BLMH: variants seen among roughly 807,000 people sequenced by gnomAD.
The protein encoded by BLMH is bleomycin hydrolase, also known as BLM hydrolase.
In BLMH, 32 loss-of-function variants were observed where a neutral mutation model predicts 61.6. That is an observed-to-expected ratio of 0.52 (90% CI 0.39 to 0.70). The LOEUF (loss-of-function observed/expected upper bound fraction) is 0.70. BLMH is among the 30% of genes least tolerant of loss of function. The pLI is 0.00. For synonymous variants in BLMH, 183 were observed against 193.8 expected, an observed-to-expected ratio of 0.94 and a Z score of 0.46; for missense variants, 460 against 555.5, an observed-to-expected ratio of 0.83 and a Z score of 1.73.
At chr17:30,284,129 C>CTA (rs1908664352) in intron 6 of BLMH, among the ~76,000 whole-genome samples, 1 of 152,158 alleles carries the variant, frequency 6.6e-6, no homozygotes, top group East Asian at 1.9e-4. Context: ...TCCTACTATA[C>CTA]TAAGATGCCT....
chr17:30,257,551 T>C (rs1907849820), intron 11 of BLMH, among the ~76,000 whole-genome samples: 1 of 152,234 alleles, frequency 6.6e-6, no homozygotes, highest in Non-Finnish European at 1.5e-5. Context: ...CTTTTTCATA[T>C]ACCTTTTTAT....
At chr17:30,254,778 C>G (rs1008896436) in intron 11 of BLMH, among the ~76,000 whole-genome samples, 1 of 152,122 alleles carries the variant, frequency 6.6e-6, no homozygotes, top group African/African-American at 2.4e-5. Flanking sequence ...TTTGAGTTGC[C>G]TACAATCCCA....
intron 11 of BLMH, among the ~76,000 whole-genome samples, chr17:30,266,238 T>C (rs1567833719): frequency 6.6e-6 from 1 of 151,870 alleles, no homozygotes; most frequent in Non-Finnish European, 1.5e-5. Context: ...TAGATGAAAA[T>C]ACATCAAGGC....
intron 5 of BLMH, among the ~76,000 whole-genome samples, chr17:30,285,753 T>C (rs1908710087): frequency 6.6e-6 from 1 of 152,224 alleles, no homozygotes; most frequent in Admixed American, 6.5e-5. Flanking sequence ...TTTATGTGTC[T>C]GGGCATGGGG....
intron 6 of BLMH, among the ~76,000 whole-genome samples, chr17:30,281,246 A>ACG (rs1908580443): frequency 6.6e-6 from 1 of 152,154 alleles, no homozygotes; most frequent in African/African-American, 2.4e-5. Flanking sequence ...GAACTCATAT[A>ACG]GATGATAACT....
In BLMH at chr17:30,248,874, A is replaced by C; in HGVS notation, c.*143T>G. On this transcript the variant is annotated 3_prime_UTR_variant, in exon 12 of 12. Coordinates refer to ENST00000261714, the MANE Select transcript of BLMH (RefSeq NM_000386.4). ...TTTCAGCATAAAGCACACTTTCTGAAGAGGTTCCTGGTGGAGACTGGAAAT... is the reference window on the plus strand; with the variant it reads ...TTTCAGCATAAAGCACACTTTCTGACGAGGTTCCTGGTGGAGACTGGAAAT... 9 of 1,021,406 alleles carry C rather than the reference A, an allele frequency of 8.8e-6. No homozygotes were observed. Among genetic ancestry groups the C allele is most frequent in the African/African-American group, 1.6e-5 (1 of 62,134 alleles). The allele number at this position is 1,021,406 out of a possible 1,614,324, so 63.3% of individuals were successfully genotyped here. A position where few individuals can be genotyped will look rare whatever the true frequency, so the allele number is the denominator to read the frequency against.
intron 11 of BLMH, among the ~76,000 whole-genome samples, chr17:30,255,330 C>A (rs986528625): frequency 6.6e-6 from 1 of 152,184 alleles, no homozygotes; most frequent in African/African-American, 2.4e-5. Context: ...GCTATACCAT[C>A]AAGGTTTGTG....
chr17:30,285,496 A>T lies in BLMH; in HGVS notation c.553-16T>A. 6.3e-7 allele frequency: 1 copy of T among 1,586,218 alleles called. No individual in the cohort carries two copies. The highest frequency in any genetic ancestry group is 8.6e-7 in the Non-Finnish European group (1 of 1,161,052). On this transcript the variant is annotated splice_polypyrimidine_tract_variant and intron_variant, in intron 5 of 11. Coordinates refer to ENST00000261714, the MANE Select transcript of BLMH (RefSeq NM_000386.4). Reference sequence around the variant, plus strand: ...ATTCTCTCATCTATGACAGAAACTTATTCAGCACTCCAACAGTTACCCGAA... The same window carrying T: ...ATTCTCTCATCTATGACAGAAACTTTTTCAGCACTCCAACAGTTACCCGAA...
chr17:30,276,564 A>G lies in BLMH; in HGVS notation c.646-2367T>C, dbSNP rs569311645. Among the ~76,000 whole-genome samples the G allele has an allele frequency of 4.2e-4, 64 of 152,194 alleles. 1 individual carries two copies. Among genetic ancestry groups the G allele is most frequent in the Admixed American group, 7.2e-4 (11 of 15,278 alleles). The stretch of plus-strand genomic sequence containing the variant: ...TGACACAGATACACCAGTTGATCTG[A>G]ACATTGTTCCATTCTCCATATCACC... On this transcript the variant is annotated intron_variant, in intron 6 of 11. Coordinates refer to ENST00000261714, the MANE Select transcript of BLMH (RefSeq NM_000386.4).
chr17:30,250,466 A>T (rs535116153), intron 11 of BLMH, among the ~76,000 whole-genome samples: 1 of 152,348 alleles, frequency 6.6e-6, no homozygotes, highest in African/African-American at 2.4e-5. Flanking sequence ...GAAGATACAC[A>T]GCCAACAAAC....
intron 11 of BLMH, chr17:30,250,210 C>T (rs1047266221): frequency 2.6e-5 from 4 of 152,110 alleles, no homozygotes; most frequent in African/African-American, 7.2e-5. Flanking sequence ...AAAGCAAATG[C>T]AACAAAAACA....
chr17:30,256,723 GA>G lies in BLMH; in HGVS notation c.1217-7556del, dbSNP rs577745264. Among the ~76,000 whole-genome samples the G allele has an allele frequency of 4.1e-3, 482 of 116,856 alleles. 3 individuals carry two copies. Among genetic ancestry groups the G allele is most frequent in the South Asian group, 0.011 (43 of 3,890 alleles). 76.7% of individuals were successfully genotyped at this position (116,856 alleles called of 152,430 possible). A position where few individuals can be genotyped will look rare whatever the true frequency, so the allele number is the denominator to read the frequency against. On this transcript the variant is annotated intron_variant, in intron 11 of 11. Coordinates refer to ENST00000261714, the MANE Select transcript of BLMH (RefSeq NM_000386.4). Reference sequence around the variant, plus strand: ...ATAAACATTTTTCTGCTATTATAATGAAAAAAAAAAACAAAAAAAAAAGAAG... The same window carrying G: ...ATAAACATTTTTCTGCTATTATAATGAAAAAAAAAACAAAAAAAAAAGAAG...
At chr17:30,267,825 A>T (rs568088412) in intron 10 of BLMH, among the ~76,000 whole-genome samples, 137 of 152,236 alleles carry the variant, frequency 9.0e-4, no homozygotes, top group African/African-American at 3.2e-3. Flanking sequence ...TGAGAAGAGC[A>T]CTCACCCCTG....
chr17:30,254,517 A>G (rs142879002), intron 11 of BLMH, among the ~76,000 whole-genome samples: 1 of 152,342 alleles, frequency 6.6e-6, no homozygotes, highest in African/African-American at 2.4e-5. Context: ...ACATGAAGAA[A>G]TGTTTAGGTG....
intron 6 of BLMH, among the ~76,000 whole-genome samples, chr17:30,280,788 T>A (rs1333498638): frequency 6.6e-6 from 1 of 151,982 alleles, no homozygotes; most frequent in African/African-American, 2.4e-5. Flanking sequence ...TACCCCAACT[T>A]TTTTTAGTTT....
intron 3 of BLMH, among the ~76,000 whole-genome samples, chr17:30,289,002 T>G (rs528180807): frequency 5.3e-5 from 8 of 152,064 alleles, no homozygotes; most frequent in Admixed American, 4.6e-4. Flanking sequence ...CAAATAAAAT[T>G]ATTTACTGTT....
At chr17:30,270,394 C>T (rs762081714) in intron 10 of BLMH, among the ~76,000 whole-genome samples, 1 of 151,184 alleles carries the variant, frequency 6.6e-6, no homozygotes, top group African/African-American at 2.4e-5. Flanking sequence ...CCCAGCTACT[C>T]GCAAGGCTGA....
Position 30,249,132 on chromosome 17 carries a change from T to C in BLMH, c.1253A>G (p.Tyr418Cys). 1 of 1,614,020 alleles carries C rather than the reference T, an allele frequency of 6.2e-7. No individual in the cohort carries two copies. ...LCMTDEWFSE[Y>C]VYEVVVDRKH... ...CCTGTCCACCACCACTTCGTAGACA[T>C]ACTCAGAGAACCACTCATCTGTCAT... Residue 418 changes from tyrosine (Y) to cysteine (C), a missense_variant, in exon 12 of 12, where the codon TAT becomes TGT. This residue lies in a region of BLMH where 310 missense variants were observed against 371.1 expected (regional missense o/e 0.84). Transcript: ENST00000261714.
chr17:30,268,688 C>T (rs1440114387), intron 10 of BLMH, among the ~76,000 whole-genome samples: 10 of 151,490 alleles, frequency 6.6e-5, no homozygotes, highest in Non-Finnish European at 1.2e-4. Flanking sequence ...CTGAATTTTT[C>T]TTGGAAATTA....
Sources: gnomAD v4.1 joint callset for allele counts (sites outside exome capture counted in the v4.1 genomes callset) on GRCh38, gnomAD v4.1.1 for gene constraint, gnomAD v4.1.1 regional missense constraint, MANE v1.5 for transcripts, NCBI Gene and HGNC (gene_info 2026-07-23, HGNC 2026-07-21) for gene names.